Variants in U2SURP observed in about 807,000 individuals in gnomAD.
The protein encoded by U2SURP is U2 snRNP associated SURP domain containing.
A neutral mutation model predicts 144.9 loss-of-function variants in U2SURP; 9 were observed. The ratio of observed to expected loss-of-function variants is 0.06; its 90% CI spans 0.04 to 0.11. The LOEUF is 0.11. Ranked by LOEUF, U2SURP falls within the 10% of genes least tolerant of loss-of-function variation. The pLI is 1.00. For synonymous variants in U2SURP, 408 were observed against 396.8 expected (o/e 1.03, Z -0.33); for missense variants, 724 against 1,226.7 (o/e 0.59, Z 6.12).
At chr3:143,035,199 A>G (rs1419746033) in intron 19 of U2SURP, among the ~76,000 whole-genome samples, 1 of 152,242 alleles carries the variant, frequency 6.6e-6, no homozygotes, top group African/African-American at 2.4e-5. Context: ...TATTGTTTAA[A>G]AATTATAAAT....
Position 143,053,670 on chromosome 3 carries a change from TAAC to T in U2SURP, c.2656-4_2656-2del, listed in dbSNP as rs748964471. The T allele has an allele frequency of 7.5e-7, 1 of 1,327,908 alleles. No homozygotes were observed. Among genetic ancestry groups the T allele is most frequent in the Admixed American group, 2.4e-5 (1 of 41,964 alleles). The allele number at this position is 1,327,908 out of a possible 1,614,324, so 82.3% of individuals were successfully genotyped here. A position where few individuals can be genotyped will look rare whatever the true frequency, so the allele number is the denominator to read the frequency against. On this transcript the variant is annotated splice_region_variant and splice_polypyrimidine_tract_variant and intron_variant, in intron 25 of 27. Transcript: ENST00000473835. ...ACAACTTAATATTTTCTATAAAAAATAACAGGAGAAAGAGAAAGAGTTAGAAAG... is the reference window on the plus strand; with the variant it reads ...ACAACTTAATATTTTCTATAAAAAATAGGAGAAAGAGAAAGAGTTAGAAAG...
intron 24 of U2SURP, among the ~76,000 whole-genome samples, chr3:143,049,070 C>T (rs1401193607): frequency 7.0e-6 from 1 of 141,862 alleles, no homozygotes; most frequent in African/African-American, 2.6e-5. Flanking sequence ...ACCTGGCCAA[C>T]ATAGCGAAAC....
At position 143,056,680 on chromosome 3, in the gene U2SURP, G is replaced by A; in HGVS notation, c.*230G>A. ...TATTTCTCAAGATGAAATTTTTATTGTTCTAATGGATTTCATCAGAAATGT... is the reference window on the plus strand; with the variant it reads ...TATTTCTCAAGATGAAATTTTTATTATTCTAATGGATTTCATCAGAAATGT... On this transcript the variant is annotated 3_prime_UTR_variant, in exon 28 of 28. Transcript: ENST00000473835. 2.3e-6 allele frequency: 1 copy of A among 437,168 alleles called. No individual in the cohort carries two copies. The highest frequency in any genetic ancestry group is 4.1e-6 in the Non-Finnish European group (1 of 245,816). 27.1% of individuals were successfully genotyped at this position (437,168 alleles called of 1,614,324 possible).
Position 143,056,575 on chromosome 3 carries a change from T to C in U2SURP, c.*125T>C. On this transcript the variant is annotated 3_prime_UTR_variant, in exon 28 of 28. Transcript: ENST00000473835. The stretch of plus-strand genomic sequence containing the variant: ...TCCTGGGGTTTTTTGTTTGTTTGTG[T>C]ATGCATGTGTAAACTCATGAGCAAC... The C allele has an allele frequency of 8.7e-7, 1 of 1,148,032 alleles. No individual in the cohort carries two copies. The highest frequency in any genetic ancestry group is 1.2e-6 in the Non-Finnish European group (1 of 824,208). 71.1% of individuals were successfully genotyped at this position (1,148,032 alleles called of 1,614,324 possible).
At chr3:143,014,554 A>G in intron 4 of U2SURP, 145 bp downstream of exon 4, 1 of 498,236 alleles carries the variant, frequency 2.0e-6, no homozygotes, top group South Asian at 3.6e-5. Context: ...GTAATACAAC[A>G]TATATTCCTA....
chr3:143,023,914 G>T, intron 12 of U2SURP, 61 bp from the exon 13 acceptor site: 1 of 1,526,148 alleles, frequency 6.6e-7, no homozygotes, highest in South Asian at 1.1e-5. Flanking sequence ...ATTTTTGCTT[G>T]TTACTTGTTA....
Position 143,022,908 on chromosome 3 carries a change from T to G in U2SURP, c.1074T>G (p.Ile358Met). 1 of 1,611,822 alleles carries G rather than the reference T, an allele frequency of 6.2e-7. No homozygotes were observed. Among genetic ancestry groups the G allele is most frequent in the Non-Finnish European group, 8.5e-7 (1 of 1,179,178 alleles). ...MKLGWGKAVP[I>M]PPHPIYIPPS... ...TAGGTTGGGGTAAAGCTGTACCTAT[T>G]CCTCCACATCCAATATACATTCCGC... The change falls in exon 12 of 28, where the codon ATT becomes ATG. Residue 358 changes from isoleucine to methionine, a missense_variant. Coordinates refer to ENST00000473835, the MANE Select transcript of U2SURP (RefSeq NM_001080415.2).
At chr3:143,043,016 T>C in intron 23 of U2SURP, 101 bp from the exon 24 acceptor site, 6 of 1,178,784 alleles carry the variant, frequency 5.1e-6, no homozygotes, top group Non-Finnish European at 6.9e-6. Context: ...TTTGGCTATG[T>C]TATTTAAGCT....
intron 24 of U2SURP, among the ~76,000 whole-genome samples, chr3:143,047,757 C>G (rs1362201219): frequency 6.5e-5 from 5 of 76,874 alleles, no homozygotes; most frequent in Middle Eastern, 6.3e-3. Flanking sequence ...GGGGGCTGAC[C>G]CTCCCACCTC....
chr3:143,010,969 T>C (rs1936092765), intron 2 of U2SURP, 110 bp downstream of exon 2: 1 of 797,174 alleles, frequency 1.3e-6, no homozygotes. Context: ...TTGTATGTGC[T>C]TTTTTCTTTT....
intron 1 of U2SURP, among the ~76,000 whole-genome samples, chr3:143,008,804 C>T (rs995889206): frequency 3.9e-5 from 6 of 152,190 alleles, no homozygotes; most frequent in Admixed American, 1.3e-4. Flanking sequence ...GAGTCTCTGT[C>T]GCCTAGGCGG....
intron 1 of U2SURP, among the ~76,000 whole-genome samples, chr3:143,009,439 A>C (rs1305044870): frequency 6.6e-6 from 1 of 152,194 alleles, no homozygotes; most frequent in Admixed American, 6.5e-5. Flanking sequence ...CTCTACTAAA[A>C]ATACAAAAAT....
In U2SURP at chr3:143,038,752, C is replaced by G. The variant is rs561455873; in HGVS notation, c.2318-142C>G. 4.0e-5 allele frequency: 22 copies of G among 547,130 alleles called. No individual in the cohort carries two copies. In the South Asian group the frequency reaches 6.0e-4, roughly 15 times the overall value. The allele number at this position is 547,130 out of a possible 1,614,324, so 33.9% of individuals were successfully genotyped here. A position where few individuals can be genotyped will look rare whatever the true frequency, so the allele number is the denominator to read the frequency against. On this transcript the variant is annotated intron_variant, in intron 22 of 27. Coordinates refer to ENST00000473835, the MANE Select transcript of U2SURP (RefSeq NM_001080415.2). Reference sequence around the variant, plus strand: ...AAAGAGATTTGGCATATAGAAATAACTATTTAGAGAATTGATAAACATAGA... The same window carrying G: ...AAAGAGATTTGGCATATAGAAATAAGTATTTAGAGAATTGATAAACATAGA...
chr3:143,021,235 CTT>C (rs1936615471), intron 8 of U2SURP, 113 bp from the exon 9 acceptor site: 12 of 1,168,956 alleles, frequency 1.0e-5, no homozygotes, highest in South Asian at 9.8e-5. Context: ...AGTGGTCTCT[CTT>C]TTTGTCTCTC....
chr3:143,022,854 A>G lies in U2SURP; in HGVS notation c.1020A>G (p.Gly340=). 1 of 1,557,596 alleles carries G rather than the reference A, an allele frequency of 6.4e-7. No homozygotes were observed. Among genetic ancestry groups the G allele is most frequent in the East Asian group, 2.3e-5 (1 of 44,256 alleles). Residue 340 remains glycine (G), a splice_region_variant and synonymous_variant, in exon 12 of 28, where the codon GGA becomes GGG. Transcript: ENST00000473835. Reference sequence around the variant, plus strand: ...TGACCTTTCATTTCTTTCTTGTAGGAAAAATGATTATGTCTTTTGAAATGA... The same window carrying G: ...TGACCTTTCATTTCTTTCTTGTAGGGAAAATGATTATGTCTTTTGAAATGA... ...DAERALKNLN[G]KMIMSFEMKL...
chr3:143,022,509 A>G lies in U2SURP; in HGVS notation c.865A>G (p.Met289Val). 1 of 1,566,082 alleles carries G rather than the reference A, an allele frequency of 6.4e-7. No homozygotes were observed. Among genetic ancestry groups the G allele is most frequent in the Non-Finnish European group, 8.6e-7 (1 of 1,156,588 alleles). The change falls in exon 11 of 28, where the codon ATG becomes GTG. Residue 289 changes from methionine (M) to valine (V), a missense_variant. By Grantham distance (21) the Met-to-Val change is conservative. Transcript: ENST00000473835. ...CCCTTTTTAATAGATGAATGAAGAA[A>G]TGCTGTGCCAAGAATTTGGAAGATT... The part of the protein sequence containing the change: ...GNINPQMNEE[M>V]LCQEFGRFGP...
chr3:143,007,816 G>A (rs980588252), intron 1 of U2SURP, among the ~76,000 whole-genome samples: 1 of 152,192 alleles, frequency 6.6e-6, no homozygotes, highest in African/African-American at 2.4e-5. Context: ...TCAAGACAAA[G>A]AATACAGTTC....
chr3:143,027,118 T>G, intron 13 of U2SURP, 31 bp from the exon 14 acceptor site: 1 of 1,532,014 alleles, frequency 6.5e-7, no homozygotes, highest in Non-Finnish European at 9.0e-7. Context: ...TAGGTCTGAA[T>G]CCATTTTCTT....
intron 16 of U2SURP, among the ~76,000 whole-genome samples, chr3:143,029,068 G>A (rs983401916): frequency 6.6e-5 from 10 of 152,200 alleles, no homozygotes; most frequent in African/African-American, 2.4e-5. Context: ...GCAGTGTGTG[G>A]TGAGCTGTGA....
Sources: allele counts gnomAD v4.1 joint callset (sites outside exome capture counted in the v4.1 genomes callset), GRCh38; gene constraint gnomAD v4.1.1; transcripts MANE v1.5; gene names NCBI Gene and HGNC (gene_info 2026-07-23, HGNC 2026-07-21).